Variants in KCNIP4 observed in about 807,000 individuals in gnomAD.
KCNIP4 encodes the protein potassium voltage-gated channel interacting protein 4.
In KCNIP4, 12 loss-of-function variants were observed where a neutral mutation model predicts 34.0. That is an observed-to-expected ratio of 0.35 (90% confidence interval 0.23 to 0.57). The LOEUF (loss-of-function observed/expected upper bound fraction) is 0.57. KCNIP4 is among the 20% of genes least tolerant of loss of function. The pLI is 0.83. For missense variants in KCNIP4, 238 were observed against 311.7 expected, an observed-to-expected ratio of 0.76 and a Z score of 1.78; for synonymous variants, 124 against 102.2, an observed-to-expected ratio of 1.21 and a Z score of -1.29.
chr4:21,078,096 A>C (rs1374077291), intron 1 of KCNIP4, among the ~76,000 whole-genome samples: 1 of 152,112 alleles, frequency 6.6e-6, no homozygotes, highest in Admixed American at 6.6e-5. Flanking sequence ...ATGATGACAT[A>C]AGGACACCAC....
At chr4:21,596,355 A>AT (rs1172247736) in intron 1 of KCNIP4, among the ~76,000 whole-genome samples, 1 of 152,146 alleles carries the variant, frequency 6.6e-6, no homozygotes, top group East Asian at 1.9e-4. Flanking sequence ...GAATAAACAC[A>AT]TTTATATATA....
intron 1 of KCNIP4, among the ~76,000 whole-genome samples, chr4:21,636,264 C>T (rs1318226738): frequency 1.4e-5 from 2 of 140,978 alleles, no homozygotes; most frequent in African/African-American, 2.7e-5. Flanking sequence ...ACAATGTGCA[C>T]ATGTACCCTA....
chr4:21,427,193 A>G (rs1442583255), intron 1 of KCNIP4, among the ~76,000 whole-genome samples: 2 of 152,158 alleles, frequency 1.3e-5, no homozygotes, highest in African/African-American at 2.4e-5. Context: ...AGGAAATTTT[A>G]GAAAAAGGTA....
chr4:21,553,148 GGT>G (rs1491065747), intron 1 of KCNIP4, among the ~76,000 whole-genome samples: 3 of 107,120 alleles, frequency 2.8e-5, no homozygotes, highest in Non-Finnish European at 5.9e-5. Context: ...TAAAGGGGGG[GGT>G]CATAAAAGAG....
chr4:20,790,055 G>T (rs1712525357), intron 3 of KCNIP4, among the ~76,000 whole-genome samples: 1 of 152,054 alleles, frequency 6.6e-6, no homozygotes, highest in African/African-American at 2.4e-5. Context: ...CACAAACCTA[G>T]ATGGTACACC....
chr4:21,521,084 CCATCTA>C (rs1292986423), intron 1 of KCNIP4, among the ~76,000 whole-genome samples: 1 of 152,142 alleles, frequency 6.6e-6, no homozygotes, highest in Admixed American at 6.5e-5. Flanking sequence ...CCTTTAATTA[CCATCTA>C]CAACTACACC....
chr4:20,963,293 C>T (rs1225424346), intron 1 of KCNIP4, among the ~76,000 whole-genome samples: 1 of 151,422 alleles, frequency 6.6e-6, no homozygotes, highest in Non-Finnish European at 1.5e-5. Flanking sequence ...CACCACTGCA[C>T]TCCAGCCTGG....
At chr4:21,106,076 G>T (rs1748498990) in intron 1 of KCNIP4, among the ~76,000 whole-genome samples, 1 of 151,530 alleles carries the variant, frequency 6.6e-6, no homozygotes, top group African/African-American at 2.4e-5. Context: ...TTGTGTCTCT[G>T]CCTGGCTTTG....
At chr4:21,624,438 T>C (rs755346619) in intron 1 of KCNIP4, among the ~76,000 whole-genome samples, 5 of 152,312 alleles carry the variant, frequency 3.3e-5, no homozygotes, top group Non-Finnish European at 5.9e-5. Context: ...GTGGAATAGA[T>C]GACCTTCGAC....
chr4:20,849,968 C>T (rs1720825646), intron 3 of KCNIP4, among the ~76,000 whole-genome samples: 1 of 152,156 alleles, frequency 6.6e-6, no homozygotes, highest in Non-Finnish European at 1.5e-5. Context: ...TTCTCTCACC[C>T]CACCCTCTGG....
intron 1 of KCNIP4, among the ~76,000 whole-genome samples, chr4:21,749,929 G>A (rs144208750): frequency 1.5e-3 from 232 of 152,256 alleles, no homozygotes; most frequent in Non-Finnish European, 2.9e-3. Context: ...GAGCTATACA[G>A]TAGTTACCAC....
chr4:21,263,023 G>A (rs1164001892), intron 1 of KCNIP4, among the ~76,000 whole-genome samples: 1 of 152,104 alleles, frequency 6.6e-6, no homozygotes, highest in Non-Finnish European at 1.5e-5. Context: ...GTTCATCCAG[G>A]CTGAATTCCT....
chr4:21,552,983 C>A (rs1738699806), intron 1 of KCNIP4, among the ~76,000 whole-genome samples: 1 of 152,050 alleles, frequency 6.6e-6, no homozygotes, highest in Middle Eastern at 3.4e-3. Context: ...GAGAAAGCAG[C>A]AAAAACACTC....
chr4:21,608,695 G>C (rs925397083), intron 1 of KCNIP4: 1 of 152,132 alleles, frequency 6.6e-6, no homozygotes, highest in Non-Finnish European at 1.5e-5. Flanking sequence ...AGAGATTAAG[G>C]TGTAAGCATC....
At chr4:21,922,543 T>C (rs1406823715) in intron 1 of KCNIP4, among the ~76,000 whole-genome samples, 2 of 152,328 alleles carry the variant, frequency 1.3e-5, no homozygotes, top group East Asian at 3.9e-4. Context: ...TTGGAGCTAA[T>C]TCTTTATTCA....
intron 2 of KCNIP4, among the ~76,000 whole-genome samples, chr4:20,864,512 T>C (rs1207021990): frequency 6.6e-6 from 1 of 151,986 alleles, no homozygotes; most frequent in African/African-American, 2.4e-5. Context: ...AACTTGCTCA[T>C]GGTCACACCA....
intron 1 of KCNIP4, among the ~76,000 whole-genome samples, chr4:21,692,094 G>A (rs1048601348): frequency 6.6e-6 from 1 of 152,064 alleles, no homozygotes; most frequent in Non-Finnish European, 1.5e-5. Context: ...AGTTTTAAGA[G>A]TTTACCACGT....
intron 1 of KCNIP4, among the ~76,000 whole-genome samples, chr4:21,036,056 C>T (rs186981447): frequency 6.6e-6 from 1 of 152,260 alleles, no homozygotes; most frequent in Admixed American, 6.5e-5. Context: ...AAATTATATC[C>T]TTGCTTGACT....
At chr4:20,926,979 C>CT (rs1553916759) in intron 1 of KCNIP4, among the ~76,000 whole-genome samples, 1 of 152,036 alleles carries the variant, frequency 6.6e-6, no homozygotes, top group Non-Finnish European at 1.5e-5. Context: ...TTCTTTCTTT[C>CT]TGTTCTTTTT....
Sources: gnomAD v4.1 joint callset for allele counts (sites outside exome capture counted in the v4.1 genomes callset) on GRCh38, gnomAD v4.1.1 for gene constraint, MANE v1.5 for transcripts, NCBI Gene and HGNC (gene_info 2026-07-23, HGNC 2026-07-21) for gene names.